Variants in FANCB observed in about 807,000 individuals in gnomAD.
FANCB encodes the protein Fanconi anemia group B protein.
Under a neutral mutation model 38.9 loss-of-function variants are expected in FANCB, and 5 were observed. The ratio of observed to expected loss-of-function variants is 0.13; its 90% CI spans 0.07 to 0.27. The LOEUF is 0.27. FANCB is among the 10% of genes least tolerant of loss of function. The probability of loss-of-function intolerance (pLI) is 1.00; values close to 1 mark genes in which losing one functional copy is unlikely to be tolerated. For synonymous variants in FANCB, 236 were observed against 215.4 expected (o/e 1.10, Z -0.84); for missense variants, 573 against 602.7 (o/e 0.95, Z 0.52).
At chrX:14,869,087 A>C (rs1001138759) in intron 1 of FANCB, 44 bp from the exon 2 acceptor site, 2 of 111,519 alleles carry the variant, frequency 1.8e-5, no homozygotes, top group Non-Finnish European at 3.8e-5. Flanking sequence ...ATTCCATCAA[A>C]ATGTATGAAT....
the FANCB span, among the ~76,000 whole-genome samples, chrX:14,740,978 A>G: frequency 9.0e-5 from 10 of 110,993 alleles, no homozygotes; most frequent in Non-Finnish European, 1.9e-4. Flanking sequence ...ACACACACGC[A>G]CACACACACA....
At chrX:14,804,422 G>A in the FANCB span, among the ~76,000 whole-genome samples, 1 of 111,467 alleles carries the variant, frequency 9.0e-6, no homozygotes, top group South Asian at 3.7e-4. Flanking sequence ...CTCATAGGTG[G>A]GAATTGAACA....
the FANCB span, among the ~76,000 whole-genome samples, chrX:14,764,687 A>T: frequency 9.0e-6 from 1 of 111,261 alleles, no homozygotes; most frequent in Non-Finnish European, 1.9e-5. Flanking sequence ...CACAACATAG[A>T]TGTGGGAGCC....
the FANCB span, among the ~76,000 whole-genome samples, chrX:14,796,770 A>G: frequency 9.3e-6 from 1 of 107,365 alleles, no homozygotes; most frequent in African/African-American, 3.4e-5. Flanking sequence ...GCTCATTTAC[A>G]TGATTATCGA....
the FANCB span, among the ~76,000 whole-genome samples, chrX:14,709,128 G>C: frequency 9.0e-6 from 1 of 111,193 alleles, no homozygotes; most frequent in Non-Finnish European, 1.9e-5. Flanking sequence ...CCTGCTACTT[G>C]AGTGGCTGAG....
At chrX:14,825,092 A>G in the FANCB span, among the ~76,000 whole-genome samples, 1 of 112,342 alleles carries the variant, frequency 8.9e-6, no homozygotes, top group African/African-American at 3.2e-5. Flanking sequence ...TGTCAGTTAC[A>G]TTGTTGCTTC....
the FANCB span, among the ~76,000 whole-genome samples, chrX:14,805,083 C>T: frequency 9.9e-5 from 11 of 111,610 alleles, no homozygotes; most frequent in African/African-American, 3.6e-4. Flanking sequence ...GTCACTCTGT[C>T]GCCTCAAACT....
the FANCB span, among the ~76,000 whole-genome samples, chrX:14,757,639 G>C: frequency 2.7e-5 from 3 of 111,662 alleles, no homozygotes; most frequent in Non-Finnish European, 3.8e-5. Flanking sequence ...TTAGAGAGCC[G>C]AACAAAGTAC....
intron 3 of FANCB, among the ~76,000 whole-genome samples, chrX:14,860,560 T>A (rs772939488): frequency 8.9e-6 from 1 of 112,371 alleles, no homozygotes; most frequent in African/African-American, 3.2e-5. Context: ...ATAAGGCATA[T>A]AATTTTAAAT....
chrX:14,833,948 T>C (rs1406077950), downstream of FANCB, among the ~76,000 whole-genome samples: 1 of 110,794 alleles, frequency 9.0e-6, no homozygotes, highest in Admixed American at 9.6e-5. Context: ...TGAGCTGAGA[T>C]TGTGCCAGTG....
intron 10 of FANCB, among the ~76,000 whole-genome samples, chrX:14,837,180 CT>C (rs948158029): frequency 8.0e-5 from 9 of 112,024 alleles, no homozygotes; most frequent in Admixed American, 5.7e-4. Flanking sequence ...AGAATTCTAC[CT>C]CCTTTTCTTC....
At chrX:14,834,645 G>A (rs183855306), downstream of FANCB, 5,905 of 592,880 alleles carry the variant, frequency 1.0e-2, 50 homozygotes, top group Middle Eastern at 0.016. Context: ...TCCCTTTGGT[G>A]TTTTAGGAGT....
chrX:14,860,529 AAAGGT>A (rs1416351620), intron 3 of FANCB, among the ~76,000 whole-genome samples: 2 of 112,224 alleles, frequency 1.8e-5, no homozygotes, highest in Non-Finnish European at 3.8e-5. Context: ...CATCCAATAG[AAAGGT>A]AAGTGAGCCC....
At chrX:14,707,773 T>TGTGTGTGTGC in the FANCB span, among the ~76,000 whole-genome samples, 2 of 110,145 alleles carry the variant, frequency 1.8e-5, no homozygotes, top group African/African-American at 6.7e-5. Context: ...TGTGTGTGTG[T>TGTGTGTGTGC]GCACGCGCGC....
the FANCB span, among the ~76,000 whole-genome samples, chrX:14,822,009 C>T: frequency 8.9e-6 from 1 of 111,815 alleles, no homozygotes; most frequent in Non-Finnish European, 1.9e-5. Context: ...CCTCACTCTG[C>T]AGTTGGTGCT....
chrX:14,703,533 C>G, the FANCB span, among the ~76,000 whole-genome samples: 1 of 111,812 alleles, frequency 8.9e-6, no homozygotes, highest in South Asian at 3.8e-4. Context: ...TCTGCAAAGC[C>G]CCTCTGCTTT....
downstream of FANCB, chrX:14,834,403 C>G (rs2092335643): frequency 5.1e-6 from 2 of 389,213 alleles, no homozygotes; most frequent in Admixed American, 6.3e-5. Context: ...AAAAGGACAG[C>G]CAGATATCAA....
chrX:14,707,396 C>T, the FANCB span, among the ~76,000 whole-genome samples: 2 of 111,406 alleles, frequency 1.8e-5, no homozygotes, highest in African/African-American at 3.3e-5. Context: ...AGATTATGCA[C>T]GTGAAGAACA....
chrX:14,712,610 A>G, the FANCB span, among the ~76,000 whole-genome samples: 2 of 109,762 alleles, frequency 1.8e-5, no homozygotes, highest in African/African-American at 6.6e-5. Context: ...ATGAAGACAA[A>G]GACATTAAAA....
Sources: allele counts gnomAD v4.1 joint callset (sites outside exome capture counted in the v4.1 genomes callset), GRCh38; gene constraint gnomAD v4.1.1; transcripts MANE v1.5; gene names NCBI Gene and HGNC (gene_info 2026-07-23, HGNC 2026-07-21).